Variants in COL21A1 observed in about 807,000 individuals in gnomAD.
COL21A1 encodes collagen type XXI alpha 1 chain.
In COL21A1, 149 loss-of-function variants were observed where a neutral mutation model predicts 137.9. The ratio of observed to expected loss-of-function variants is 1.08; its 90% CI spans 0.95 to 1.24. The LOEUF (loss-of-function observed/expected upper bound fraction) is 1.24, where lower values mean the gene tolerates loss of function less well. Ranked by LOEUF, COL21A1 falls within the 50% of genes most tolerant of loss-of-function variation. COL21A1 has a pLI of 0.00. For missense variants in COL21A1, 1,167 were observed against 1,158.4 expected (o/e 1.01, Z -0.11); for synonymous variants, 456 against 391.5 (o/e 1.16, Z -1.95).
chr6:56,123,671 C>T (rs1315067567), intron 16 of COL21A1, among the ~76,000 whole-genome samples: 1 of 152,184 alleles, frequency 6.6e-6, no homozygotes, highest in African/African-American at 2.4e-5. Context: ...CAGTTCCCCA[C>T]TTACTCTAAT....
At chr6:56,336,461 GATT>G (rs1484383448) in intron 1 of COL21A1, among the ~76,000 whole-genome samples, 1 of 152,104 alleles carries the variant, frequency 6.6e-6, no homozygotes, top group Non-Finnish European at 1.5e-5. Flanking sequence ...AACAAAAACA[GATT>G]ATAAGAAAAT....
At chr6:56,197,406 G>C (rs527603789) in intron 1 of COL21A1, among the ~76,000 whole-genome samples, 2 of 152,048 alleles carry the variant, frequency 1.3e-5, no homozygotes, top group South Asian at 4.1e-4. Context: ...GGAAACAATT[G>C]ATGAAATAAA....
intron 1 of COL21A1, among the ~76,000 whole-genome samples, chr6:56,195,418 T>A (rs9475609): frequency 0.012 from 1,833 of 152,184 alleles, 32 homozygotes; most frequent in African/African-American, 0.041. Context: ...CCCCAGTCTC[T>A]CTGTCTTCCT....
At chr6:56,391,832 CCAA>C (rs1341282575) in intron 1 of COL21A1, among the ~76,000 whole-genome samples, 2 of 152,020 alleles carry the variant, frequency 1.3e-5, no homozygotes, top group African/African-American at 4.8e-5. Flanking sequence ...ACTCAATAGA[CCAA>C]CAACAAGTAA....
chr6:56,233,437 A>C (rs1440109044), intron 1 of COL21A1, among the ~76,000 whole-genome samples: 1 of 151,870 alleles, frequency 6.6e-6, no homozygotes, highest in Non-Finnish European at 1.5e-5. Flanking sequence ...ATATATATGT[A>C]AGAATATTAG....
At chr6:56,326,024 CATAATATAT>C (rs1765081749) in intron 1 of COL21A1, among the ~76,000 whole-genome samples, 1 of 2,742 alleles carries the variant, frequency 3.6e-4, no homozygotes, top group Non-Finnish European at 1.3e-3. Flanking sequence ...TATGTATATA[CATAATATAT>C]TATGTATATG....
At chr6:56,175,079 G>A (rs1328099858) in intron 3 of COL21A1, among the ~76,000 whole-genome samples, 3 of 151,960 alleles carry the variant, frequency 2.0e-5, no homozygotes, top group Non-Finnish European at 4.4e-5. Context: ...AAAAATAATT[G>A]ACAAAAATCA....
intron 17 of COL21A1, among the ~76,000 whole-genome samples, chr6:56,080,151 G>A (rs564338874): frequency 3.1e-4 from 47 of 151,822 alleles, no homozygotes; most frequent in African/African-American, 5.5e-4. Flanking sequence ...TTTGTTGATC[G>A]CAAAGTATTT....
chr6:56,058,323 T>G (rs1426860764), intron 29 of COL21A1, among the ~76,000 whole-genome samples: 12 of 152,294 alleles, frequency 7.9e-5, no homozygotes, highest in Non-Finnish European at 7.4e-5. Flanking sequence ...TTTAGTATTA[T>G]AGTCATCAAT....
intron 1 of COL21A1, among the ~76,000 whole-genome samples, chr6:56,256,060 G>T (rs946934317): frequency 6.6e-6 from 1 of 152,180 alleles, no homozygotes; most frequent in African/African-American, 2.4e-5. Flanking sequence ...TTTTCCTAAA[G>T]AAAAGTTAAG....
chr6:56,287,386 A>G (rs1763941065), intron 1 of COL21A1, among the ~76,000 whole-genome samples: 1 of 152,166 alleles, frequency 6.6e-6, no homozygotes, highest in Admixed American at 6.5e-5. Flanking sequence ...CTCATGTTGA[A>G]TTGTAATCCT....
intron 1 of COL21A1, among the ~76,000 whole-genome samples, chr6:56,269,515 C>T (rs991178910): frequency 4.0e-5 from 6 of 151,506 alleles, no homozygotes; most frequent in East Asian, 3.9e-4. Flanking sequence ...ATTAGCCGGG[C>T]GTAGTGGCGG....
At chr6:56,368,062 C>T (rs569183585) in intron 1 of COL21A1, among the ~76,000 whole-genome samples, 1 of 152,270 alleles carries the variant, frequency 6.6e-6, no homozygotes, top group East Asian at 1.9e-4. Context: ...CATTTGCGCA[C>T]AATCATTTCA....
intron 12 of COL21A1, among the ~76,000 whole-genome samples, chr6:56,131,638 G>A (rs1773562509): frequency 6.6e-6 from 1 of 152,062 alleles, no homozygotes; most frequent in Non-Finnish European, 1.5e-5. Flanking sequence ...AGTAAACAAA[G>A]AGTGTAGTGG....
At chr6:56,300,941 G>C (rs979069001) in intron 1 of COL21A1, among the ~76,000 whole-genome samples, 1 of 151,888 alleles carries the variant, frequency 6.6e-6, no homozygotes, top group African/African-American at 2.4e-5. Context: ...ATTTCATTCC[G>C]ACAAACATAT....
chr6:56,134,890 A>G (rs1052376229), intron 12 of COL21A1, among the ~76,000 whole-genome samples: 2 of 152,116 alleles, frequency 1.3e-5, no homozygotes, highest in Non-Finnish European at 2.9e-5. Flanking sequence ...CCCCAGTCAC[A>G]TGGAACTTTA....
At chr6:56,084,880 C>A (rs192496338) in intron 17 of COL21A1, among the ~76,000 whole-genome samples, 3 of 152,144 alleles carry the variant, frequency 2.0e-5, no homozygotes, top group Admixed American at 2.0e-4. Flanking sequence ...AATACACCTC[C>A]CTGCTATGAT....
At chr6:56,122,683 G>T (rs962935400) in intron 16 of COL21A1, among the ~76,000 whole-genome samples, 2 of 152,008 alleles carry the variant, frequency 1.3e-5, no homozygotes, top group African/African-American at 4.8e-5. Context: ...ACATTTGCAG[G>T]TACATGAATG....
chr6:56,107,881 A>G (rs1165562260), intron 16 of COL21A1, among the ~76,000 whole-genome samples: 1 of 152,090 alleles, frequency 6.6e-6, no homozygotes, highest in African/African-American at 2.4e-5. Context: ...ATAAAGTGTA[A>G]AAAGTATTTT....
Sources: allele counts gnomAD v4.1 joint callset (sites outside exome capture counted in the v4.1 genomes callset), GRCh38; gene constraint gnomAD v4.1.1; transcripts MANE v1.5; gene names NCBI Gene and HGNC (gene_info 2026-07-23, HGNC 2026-07-21).